The following ANK1 variants were observed in gnomAD, a reference collection of about 807,000 sequenced individuals.
ANK1 encodes ankyrin 1.
A neutral mutation model predicts 210.4 loss-of-function variants in ANK1; 51 were observed. That is an observed-to-expected ratio of 0.24 (90% CI 0.19 to 0.31). The LOEUF (loss-of-function observed/expected upper bound fraction) is 0.31. ANK1 is among the 10% of genes least tolerant of loss of function. ANK1 has a pLI of 1.00. For missense variants in ANK1, 2,051 were observed against 2,504.4 expected, an observed-to-expected ratio of 0.82 and a Z score of 3.86; for synonymous variants, 967 against 1,025.9, an observed-to-expected ratio of 0.94 and a Z score of 1.10.
chr8:41,865,746 T>C (rs1458798082), intron 1 of ANK1, among the ~76,000 whole-genome samples: 1 of 152,134 alleles, frequency 6.6e-6, no homozygotes, highest in African/African-American at 2.4e-5. Flanking sequence ...GTAGGGCCTC[T>C]GGAAGGTTCA....
chr8:41,881,715 G>A (rs148043124), intron 1 of ANK1, among the ~76,000 whole-genome samples: 2 of 152,226 alleles, frequency 1.3e-5, no homozygotes, highest in African/African-American at 2.4e-5. Context: ...AAAATCAGGC[G>A]GCTGGGACAA....
chr8:41,812,825 T>G (rs1802697382), intron 1 of ANK1, among the ~76,000 whole-genome samples: 1 of 152,074 alleles, frequency 6.6e-6, no homozygotes, highest in Non-Finnish European at 1.5e-5. Flanking sequence ...CATGCACAGC[T>G]CACAATGGGG....
chr8:41,855,876 T>G (rs1812095848), intron 1 of ANK1, among the ~76,000 whole-genome samples: 1 of 152,088 alleles, frequency 6.6e-6, no homozygotes, highest in Non-Finnish European at 1.5e-5. Context: ...CACATCCAAT[T>G]CATCATCTAG....
chr8:41,896,685 C>G (rs1170272941), exon 1 of ANK1: 11 of 519,148 alleles, frequency 2.1e-5, no homozygotes, highest in East Asian at 6.0e-5. Context: ...GCCCGCGGCC[C>G]GGGATGGCGC....
At chr8:41,669,264 C>T (rs915708583) in intron 38 of ANK1, among the ~76,000 whole-genome samples, 3 of 151,948 alleles carry the variant, frequency 2.0e-5, no homozygotes, top group Non-Finnish European at 4.4e-5. Context: ...AGACCTACAG[C>T]TGTGTGCACC....
intron 2 of ANK1, among the ~76,000 whole-genome samples, chr8:41,742,056 CAGCTA>C (rs1834929644): frequency 6.6e-6 from 1 of 152,224 alleles, no homozygotes; most frequent in Non-Finnish European, 1.5e-5. Flanking sequence ...AAGGAGACCT[CAGCTA>C]GGCTATGTTT....
intron 1 of ANK1, among the ~76,000 whole-genome samples, chr8:41,858,900 G>A (rs966693602): frequency 1.3e-5 from 2 of 152,236 alleles, no homozygotes; most frequent in Non-Finnish European, 2.9e-5. Context: ...CTCCCTAGAG[G>A]AGGGTGGATG....
intron 1 of ANK1, among the ~76,000 whole-genome samples, chr8:41,886,890 G>A (rs1430214718): frequency 2.0e-5 from 3 of 152,174 alleles, no homozygotes; most frequent in Non-Finnish European, 4.4e-5. Flanking sequence ...AGATCCCCCT[G>A]GCTGCAGAAG....
At chr8:41,848,219 T>TAAAG in intron 1 of ANK1, among the ~76,000 whole-genome samples, 1 of 151,022 alleles carries the variant, frequency 6.6e-6, no homozygotes, top group Non-Finnish European at 1.5e-5. Context: ...AATAAATAAA[T>TAAAG]AAATAAATAA....
chr8:41,851,400 A>T (rs926546537), intron 1 of ANK1, among the ~76,000 whole-genome samples: 4 of 152,202 alleles, frequency 2.6e-5, no homozygotes, highest in African/African-American at 9.6e-5. Flanking sequence ...ACTAGGTCTA[A>T]ACCCAGGGCT....
At chr8:41,879,154 C>T (rs1023807802) in intron 1 of ANK1, among the ~76,000 whole-genome samples, 1 of 152,148 alleles carries the variant, frequency 6.6e-6, no homozygotes, top group Non-Finnish European at 1.5e-5. Context: ...ATAGAGAAAT[C>T]AGACATGTGT....
At chr8:41,826,957 T>C (rs950090711) in intron 1 of ANK1, among the ~76,000 whole-genome samples, 2 of 152,242 alleles carry the variant, frequency 1.3e-5, no homozygotes, top group South Asian at 4.1e-4. Flanking sequence ...GGTCTGTATG[T>C]ATGTTCCTGT....
At position 41,723,622 on chromosome 8, in the gene ANK1, C is replaced by T. The variant is rs1170323588; in HGVS notation, c.723G>A (p.Thr241=). The change falls in exon 8 of 43, where the codon ACG becomes ACA. Residue 241 remains threonine (T), a synonymous_variant. Transcript: ENST00000289734. ...SVNFTPQNGI[T]PLHIASRRGN... is the part of the protein sequence containing the mutation. ...CCCTGCGGGAGGCGATGTGCAGTGG[C>T]GTGATGCCGTTCTGAAGGGAGGAAG... 15 of 1,613,224 alleles carry T rather than the reference C, an allele frequency of 9.3e-6. 1 individual carries two copies. The highest frequency in any genetic ancestry group is 8.3e-5 in the Admixed American group (5 of 60,028).
At chr8:41,850,184 C>T (rs1178193862) in intron 1 of ANK1, among the ~76,000 whole-genome samples, 1 of 152,132 alleles carries the variant, frequency 6.6e-6, no homozygotes, top group Non-Finnish European at 1.5e-5. Context: ...GTGGGGGTCC[C>T]GGCAACTTCC....
At chr8:41,758,216 G>C in intron 1 of ANK1, 79 bp from the exon 2 acceptor site, 1 of 1,286,768 alleles carries the variant, frequency 7.8e-7, no homozygotes, top group Non-Finnish European at 1.1e-6. Context: ...CCAGGCCCCC[G>C]CAGCAGCCCC....
chr8:41,796,150 T>C (rs1848695422), intron 1 of ANK1, among the ~76,000 whole-genome samples: 1 of 152,186 alleles, frequency 6.6e-6, no homozygotes, highest in Non-Finnish European at 1.5e-5. Context: ...CTCTGTCCCC[T>C]TTGCTAATGT....
chr8:41,795,866 T>C (rs1848642295), intron 1 of ANK1, among the ~76,000 whole-genome samples: 1 of 152,160 alleles, frequency 6.6e-6, no homozygotes, highest in Non-Finnish European at 1.5e-5. Context: ...TATACTATAA[T>C]AGCAACAATA....
chr8:41,750,174 C>T (rs560359), intron 2 of ANK1, among the ~76,000 whole-genome samples: 150,052 of 152,346 alleles, frequency 0.98, 73,928 homozygotes, highest in East Asian at 1. Flanking sequence ...TTGTTATAGG[C>T]GCTCCATTTA....
At chr8:41,886,903 A>T (rs1414199194) in intron 1 of ANK1, among the ~76,000 whole-genome samples, 1 of 152,184 alleles carries the variant, frequency 6.6e-6, no homozygotes, top group Non-Finnish European at 1.5e-5. Flanking sequence ...TGCAGAAGGG[A>T]GTATTAGGCC....
Sources: allele counts gnomAD v4.1 joint callset (sites outside exome capture counted in the v4.1 genomes callset), GRCh38; gene constraint gnomAD v4.1.1; transcripts MANE v1.5; gene names NCBI Gene and HGNC (gene_info 2026-07-23, HGNC 2026-07-21).